Variants in SLC17A1 observed in about 807,000 individuals in gnomAD.
The protein encoded by SLC17A1 is solute carrier family 17 member 1.
In SLC17A1, 51 loss-of-function variants were observed where a neutral mutation model predicts 53.5. That is an observed-to-expected ratio of 0.95 (90% CI 0.76 to 1.20). SLC17A1 has a LOEUF of 1.20. Among genes scored for constraint, SLC17A1 ranks in the 50% most tolerant of loss-of-function variants. SLC17A1 has a pLI of 0.00. For synonymous variants in SLC17A1, 179 were observed against 198.8 expected (o/e 0.90, Z 0.84); for missense variants, 538 against 568.2 (o/e 0.95, Z 0.54).
chr6:25,803,179 C>G (rs541667005), intron 10 of SLC17A1, among the ~76,000 whole-genome samples: 1 of 151,872 alleles, frequency 6.6e-6, no homozygotes, highest in African/African-American at 2.4e-5. Context: ...CCTCATGATC[C>G]GCCTGCCTCA....
the SLC17A1 span, among the ~76,000 whole-genome samples, chr6:25,731,088 A>C: frequency 2.6e-5 from 4 of 152,244 alleles, no homozygotes; most frequent in African/African-American, 9.6e-5. Context: ...ATCCCTGTGG[A>C]GATAATTCTT....
chr6:25,726,480 C>G, the SLC17A1 span: 9 of 1,613,650 alleles, frequency 5.6e-6, no homozygotes, highest in Non-Finnish European at 7.6e-6. Flanking sequence ...AAGAGCGAGA[C>G]TTAGACTTGG....
intron 12 of SLC17A1, among the ~76,000 whole-genome samples, chr6:25,784,814 G>A (rs1763344875): frequency 6.6e-6 from 1 of 151,596 alleles, no homozygotes; most frequent in South Asian, 2.1e-4. Context: ...GGCTTTGTAA[G>A]AATTTTAAAA....
intron 12 of SLC17A1, among the ~76,000 whole-genome samples, chr6:25,792,530 A>T: frequency 6.6e-6 from 1 of 152,206 alleles, no homozygotes; most frequent in East Asian, 1.9e-4. Flanking sequence ...CCCCATCAGG[A>T]TCATGCTGAC....
In SLC17A1 at chr6:25,798,889, TGAA is replaced by T. The variant is rs1289752152; in HGVS notation, c.1297_1299del (p.Phe433del). On this transcript the variant is annotated inframe_deletion, in exon 12 of 13. Transcript: ENST00000244527. ...GTCACATTAATGGCTGCCATCAGGA[TGAA>T]GGTTTTAAACCAGGCGGATTCCGGA... 1 of 1,602,772 alleles carries T rather than the reference TGAA, an allele frequency of 6.2e-7. No individual in the cohort carries two copies. The highest frequency in any genetic ancestry group is 8.5e-7 in the Non-Finnish European group (1 of 1,172,228).
At chr6:25,751,502 T>C in the SLC17A1 span, among the ~76,000 whole-genome samples, 1 of 152,194 alleles carries the variant, frequency 6.6e-6, no homozygotes, top group Admixed American at 6.5e-5. Context: ...AGGCAAAACC[T>C]GTAAGAGCAA....
chr6:25,744,043 A>G, the SLC17A1 span, among the ~76,000 whole-genome samples: 1 of 152,318 alleles, frequency 6.6e-6, no homozygotes, highest in East Asian at 1.9e-4. Flanking sequence ...GAAGAGAGTC[A>G]TTGAAGGCAC....
At chr6:25,733,971 T>A in the SLC17A1 span, among the ~76,000 whole-genome samples, 2 of 152,100 alleles carry the variant, frequency 1.3e-5, no homozygotes, top group East Asian at 3.9e-4. Flanking sequence ...CGTGCCACTA[T>A]ACCTGGCTAG....
the SLC17A1 span, among the ~76,000 whole-genome samples, chr6:25,749,571 T>C: frequency 2.0e-5 from 3 of 152,240 alleles, no homozygotes; most frequent in Non-Finnish European, 4.4e-5. Flanking sequence ...CTTCTTGAAC[T>C]GTATACAGGT....
rs1331908743 is a variant in SLC17A1 at position 25,819,084 on chromosome 6, C to T, written c.600G>A (p.Met200Ile). The T allele has an allele frequency of 1.2e-6, 2 of 1,602,556 alleles. No individual in the cohort carries two copies. The highest frequency in any genetic ancestry group is 1.3e-5 in the African/African-American group (1 of 74,184). ...GVICESLGWP[M>I]VFYIFGACGC... ...GAGACTCACCAAAAATATAGAAGAC[C>T]ATGGGCCAGCCCAGAGATTCACAGA... is the stretch of plus-strand genomic sequence containing the variant. Residue 200 changes from methionine (M) to isoleucine (I), a missense_variant, in exon 6 of 13, where the codon ATG (methionine) becomes ATA (isoleucine). By Grantham distance (10) the Met-to-Ile change is conservative (BLOSUM62 1). Coordinates refer to ENST00000244527, the MANE Select transcript of SLC17A1 (RefSeq NM_005074.5).
chr6:25,816,920 T>G (rs1383252780), intron 6 of SLC17A1, among the ~76,000 whole-genome samples: 1 of 149,772 alleles, frequency 6.7e-6, no homozygotes, highest in Non-Finnish European at 1.5e-5. Context: ...CGATCTTGGC[T>G]CACTGCAAAC....
intron 12 of SLC17A1, chr6:25,798,572 G>A: frequency 2.5e-6 from 1 of 395,820 alleles, no homozygotes. Context: ...ATGTTAAAGA[G>A]GCCCAGCCTC....
At chr6:25,734,801 T>C in the SLC17A1 span, among the ~76,000 whole-genome samples, 13,952 of 152,328 alleles carry the variant, frequency 0.092, 817 homozygotes, top group Middle Eastern at 0.16. Context: ...CTAGTAGTTG[T>C]TGTTAGAGGA....
At chr6:25,814,900 C>T (rs1029084984) in intron 6 of SLC17A1, among the ~76,000 whole-genome samples, 1 of 151,650 alleles carries the variant, frequency 6.6e-6, no homozygotes, top group Non-Finnish European at 1.5e-5. Flanking sequence ...GCAGGAGAAT[C>T]GCTTAAATCC....
intron 12 of SLC17A1, 174 bp downstream of exon 12, chr6:25,798,609 T>A: frequency 2.2e-6 from 1 of 461,094 alleles, no homozygotes. Flanking sequence ...AGCCTTAGCA[T>A]CCCCACAGAG....
intron 3 of SLC17A1, among the ~76,000 whole-genome samples, chr6:25,823,038 G>A (rs1764619264): frequency 6.6e-6 from 1 of 151,910 alleles, no homozygotes. Flanking sequence ...TTTATATTAA[G>A]GGAATGCTAC....
At chr6:25,724,645 CCCT>C in the SLC17A1 span, among the ~76,000 whole-genome samples, 1 of 152,158 alleles carries the variant, frequency 6.6e-6, no homozygotes, top group African/African-American at 2.4e-5. Flanking sequence ...AAAGTCAAGT[CCCT>C]CCTCCTCTGC....
rs1764747002 is a variant in SLC17A1 at position 25,826,504 on chromosome 6, C to T, written c.164G>A (p.Gly55Asp). ...VVMVNSTDPH[G>D]LPNTSTKKLL... ...CTTCTTTGTGGAGGTGTTGGGCAAA[C>T]CATGTGGATCTGTGCTATTCACCAT... Residue 55 changes from glycine to aspartate, a missense_variant, in exon 3 of 13, where the codon GGT becomes GAT. Physicochemically the swap from Gly to Asp is moderately conservative, Grantham distance 94. Transcript: ENST00000244527. 2.5e-6 allele frequency: 4 copies of T among 1,610,764 alleles called. No homozygotes were observed. The highest frequency in any genetic ancestry group is 1.7e-6 in the Non-Finnish European group (2 of 1,178,244).
At chr6:25,788,250 C>T (rs577912707) in intron 12 of SLC17A1, among the ~76,000 whole-genome samples, 1 of 152,224 alleles carries the variant, frequency 6.6e-6, no homozygotes, top group African/African-American at 2.4e-5. Flanking sequence ...TGCCAAAGAG[C>T]ACATTTGAAA....
Sources: gnomAD v4.1 joint callset for allele counts (sites outside exome capture counted in the v4.1 genomes callset) on GRCh38, gnomAD v4.1.1 for gene constraint, MANE v1.5 for transcripts, NCBI Gene and HGNC (gene_info 2026-07-23, HGNC 2026-07-21) for gene names.